NXPE3: variants seen among roughly 807,000 people sequenced by gnomAD.
NXPE3 encodes NXPE family member 3.
In NXPE3, 26 loss-of-function variants were observed where a neutral mutation model predicts 46.1. That is an observed-to-expected ratio of 0.56 (90% CI 0.41 to 0.78). NXPE3 has a LOEUF of 0.78. NXPE3 is among the 30% of genes least tolerant of loss of function. The pLI, the probability that NXPE3 is intolerant of heterozygous loss-of-function variation, is 0.00. For synonymous variants in NXPE3, 272 were observed against 257.9 expected (o/e 1.05, Z -0.52); for missense variants, 620 against 686.0 (o/e 0.90, Z 1.07).
chr3:101,786,520 G>A (rs376085422), intron 4 of NXPE3, among the ~76,000 whole-genome samples: 4 of 152,170 alleles, frequency 2.6e-5, no homozygotes, highest in South Asian at 2.1e-4. Context: ...TTTCCTGTGC[G>A]CTGTGAGTAA....
intron 4 of NXPE3, among the ~76,000 whole-genome samples, chr3:101,794,690 G>A (rs544335750): frequency 1.3e-5 from 2 of 152,332 alleles, no homozygotes; most frequent in African/African-American, 4.8e-5. Context: ...TAGTTGTGTA[G>A]TTCTTGGGTA....
At position 101,808,838 on chromosome 3, in the gene NXPE3, T is replaced by TAC. The variant is rs1455171296; in HGVS notation, c.922+1713_922+1714insCA. ...TAGAGGATATATATATATATATATA[T>TAC]ATATATATATATATATATGAGACAT... On this transcript the variant is annotated intron_variant, in intron 6 of 7. Coordinates refer to ENST00000273347, the MANE Select transcript of NXPE3 (RefSeq NM_145037.4). Among the ~76,000 whole-genome samples the TAC allele has an allele frequency of 5.4e-3, 644 of 119,004 alleles. 47 individuals carry two copies. The highest frequency in any genetic ancestry group is 8.5e-3 in the Admixed American group (99 of 11,658). 78.1% of individuals were successfully genotyped at this position (119,004 alleles called of 152,430 possible). A position where few individuals can be genotyped will look rare whatever the true frequency, so the allele number is the denominator to read the frequency against.
intron 4 of NXPE3, among the ~76,000 whole-genome samples, chr3:101,796,361 C>G (rs1341078641): frequency 6.6e-6 from 1 of 152,130 alleles, no homozygotes; most frequent in Non-Finnish European, 1.5e-5. Context: ...TGAAGTTGCC[C>G]TTGTCTTTAG....
At chr3:101,787,734 G>A (rs1434964224) in intron 4 of NXPE3, among the ~76,000 whole-genome samples, 1 of 152,080 alleles carries the variant, frequency 6.6e-6, no homozygotes, top group African/African-American at 2.4e-5. Flanking sequence ...ACACATAGAC[G>A]GAGGAATATT....
At chr3:101,791,831 G>A (rs1363499768) in intron 4 of NXPE3, among the ~76,000 whole-genome samples, 2 of 152,138 alleles carry the variant, frequency 1.3e-5, no homozygotes, top group Non-Finnish European at 2.9e-5. Context: ...TGGTGGAATC[G>A]TAGTTCTGCT....
At chr3:101,787,275 G>T (rs1940244830) in intron 4 of NXPE3, among the ~76,000 whole-genome samples, 1 of 152,074 alleles carries the variant, frequency 6.6e-6, no homozygotes, top group Non-Finnish European at 1.5e-5. Context: ...CCTTATACCA[G>T]TGGAATCAAT....
chr3:101,817,375 G>T (rs1470908049), intron 7 of NXPE3, among the ~76,000 whole-genome samples: 1 of 152,182 alleles, frequency 6.6e-6, no homozygotes, highest in Non-Finnish European at 1.5e-5. Context: ...ATTTCCAGTT[G>T]TTTCTCCCCT....
intron 4 of NXPE3, among the ~76,000 whole-genome samples, chr3:101,793,362 T>G (rs942925420): frequency 6.6e-6 from 1 of 152,150 alleles, no homozygotes; most frequent in Non-Finnish European, 1.5e-5. Context: ...TGCTTCCAGC[T>G]TTTGCTCATT....
chr3:101,808,818 G>GATATAGATATATATATAT lies in NXPE3; in HGVS notation c.922+1697_922+1698insGATATATATATATATATA, dbSNP rs71132598. ...ACCAAATGAATTACTAATTTTAGAG[G>GATATAGATATATATATAT]ATATATATATATATATATATATATA... On this transcript the variant is annotated intron_variant, in intron 6 of 7. Coordinates refer to ENST00000273347, the MANE Select transcript of NXPE3 (RefSeq NM_145037.4). Among the ~76,000 whole-genome samples the GATATAGATATATATATAT allele has an allele frequency of 7.3e-3, 225 of 30,794 alleles. 16 individuals carry two copies. The highest frequency in any genetic ancestry group is 0.012 in the Non-Finnish European group (197 of 16,900). 20.2% of individuals were successfully genotyped at this position (30,794 alleles called of 152,430 possible).
Position 101,816,800 on chromosome 3 carries a change from AAC to A in NXPE3, c.930_931del (p.Asn310LysfsTer18). 1.2e-6 allele frequency: 2 copies of A among 1,607,400 alleles called. No homozygotes were observed. Among genetic ancestry groups the A allele is most frequent in the South Asian group, 1.1e-5 (1 of 89,778 alleles). ...TTTTTCTTTTTTCTTTGCAGAAACT[AAC>A]AGTCTAGAACTATCTCAAGGCTCAG... ...TVIPRRIKET[N>X]SLELSQGSGT... On this transcript the variant is annotated frameshift_variant, in exon 7 of 8. Transcript: ENST00000273347. LOFTEE classifies it high-confidence loss of function.
At chr3:101,803,971 A>G (rs1941292126) in intron 5 of NXPE3, among the ~76,000 whole-genome samples, 1 of 152,300 alleles carries the variant, frequency 6.6e-6, no homozygotes, top group South Asian at 2.1e-4. Context: ...CTAGTTGCAC[A>G]TATTTTTGAG....
chr3:101,817,235 G>C (rs1306259575), intron 7 of NXPE3, among the ~76,000 whole-genome samples: 1 of 152,208 alleles, frequency 6.6e-6, no homozygotes, highest in African/African-American at 2.4e-5. Context: ...CTGATGAGCT[G>C]TATGACTTTG....
chr3:101,803,605 C>T (rs1941272173), intron 5 of NXPE3, among the ~76,000 whole-genome samples: 1 of 152,130 alleles, frequency 6.6e-6, no homozygotes, highest in Admixed American at 6.5e-5. Context: ...CTCAATTACC[C>T]TATTTTAGAG....
chr3:101,809,120 C>T (rs1481648608), intron 6 of NXPE3, among the ~76,000 whole-genome samples: 6 of 151,810 alleles, frequency 4.0e-5, no homozygotes, highest in Admixed American at 2.6e-4. Context: ...GAGGATTAGC[C>T]AGGAAGTGGC....
intron 6 of NXPE3, among the ~76,000 whole-genome samples, chr3:101,813,076 A>G (rs1941797562): frequency 6.6e-6 from 1 of 152,128 alleles, no homozygotes; most frequent in Non-Finnish European, 1.5e-5. Flanking sequence ...TATTCCCAGC[A>G]CTTGACAGAG....
intron 7 of NXPE3, among the ~76,000 whole-genome samples, chr3:101,818,147 C>T (rs1942051113): frequency 1.3e-5 from 2 of 152,140 alleles, no homozygotes; most frequent in Non-Finnish European, 2.9e-5. Flanking sequence ...CCCGCCTCAA[C>T]CTCCCAAAGT....
At position 101,821,930 on chromosome 3, in the gene NXPE3, C is replaced by T; in HGVS notation, c.1656C>T (p.Ser552=). ...IVKNQLDMFL[S]FVCPLET ...AGAACCAGCTGGACATGTTCTTGTC[C>T]TTTGTGTGCCCCTTGGAAACCTAGC... The change falls in exon 8 of 8, where the codon TCC becomes TCT. Residue 552 remains serine, a synonymous_variant. Coordinates refer to ENST00000273347, the MANE Select transcript of NXPE3 (RefSeq NM_145037.4). 6.2e-7 allele frequency: 1 copy of T among 1,613,588 alleles called. No individual in the cohort carries two copies. Among genetic ancestry groups the T allele is most frequent in the Non-Finnish European group, 8.5e-7 (1 of 1,179,544 alleles).
intron 7 of NXPE3, among the ~76,000 whole-genome samples, chr3:101,820,284 C>T (rs887929866): frequency 6.6e-6 from 1 of 152,164 alleles, no homozygotes; most frequent in Non-Finnish European, 1.5e-5. Flanking sequence ...AGCTCAATAT[C>T]ACTGATCATT....
Position 101,801,525 on chromosome 3 carries a change from T to C in NXPE3, c.384T>C (p.His128=). The C allele has an allele frequency of 1.2e-6, 2 of 1,614,208 alleles. No individual in the cohort carries two copies. The highest frequency in any genetic ancestry group is 1.1e-5 in the South Asian group (1 of 91,086). ...GAAGCCAGCTTGAGGTGCTGGTTCATGTGCAGGATTTTCAAAGAAAGCCCA... is the reference window on the plus strand; with the variant it reads ...GAAGCCAGCTTGAGGTGCTGGTTCACGTGCAGGATTTTCAAAGAAAGCCCA... ...KVGSQLEVLV[H]VQDFQRKPKK... The change falls in exon 5 of 8, where the codon CAT becomes CAC. Residue 128 remains histidine (H), a synonymous_variant. Transcript: ENST00000273347.
Sources: allele counts gnomAD v4.1 joint callset (sites outside exome capture counted in the v4.1 genomes callset), GRCh38; gene constraint gnomAD v4.1.1; transcripts MANE v1.5; gene names NCBI Gene and HGNC (gene_info 2026-07-23, HGNC 2026-07-21).